LACC1: variants seen among roughly 807,000 people sequenced by gnomAD.
The protein encoded by LACC1 is purine nucleoside phosphorylase LACC1.
LACC1 carries 25 observed loss-of-function variants against 34.8 expected under a neutral mutation model. The observed-to-expected ratio is 0.72, with a 90% CI of 0.52 to 1.00. The LOEUF is 1.00. LACC1 is among the 50% of genes least tolerant of loss of function. The pLI is 0.00. For missense variants in LACC1, 426 were observed against 511.2 expected, an observed-to-expected ratio of 0.83 and a Z score of 1.61; for synonymous variants, 162 against 168.0, an observed-to-expected ratio of 0.96 and a Z score of 0.28.
chr13:43,888,963 G>A lies in LACC1; in HGVS notation c.1114G>A (p.Asp372Asn), dbSNP rs761293228. Residue 372 changes from aspartate to asparagine, a missense_variant, in exon 5 of 7, where the codon GAC becomes AAC. Asp to Asn is a conservative substitution (Grantham distance 23, BLOSUM62 1). This residue lies in a region of LACC1 where 209 missense variants were observed against 300.3 expected (regional missense o/e 0.70). Coordinates refer to ENST00000325686, the MANE Select transcript of LACC1 (RefSeq NM_153218.4). ...ATTTGATTCACCAAATCCCTGTATCGACATCCGTAAAGCCACAAGGTATGT... is the reference window on the plus strand; with the variant it reads ...ATTTGATTCACCAAATCCCTGTATCAACATCCGTAAAGCCACAAGGTATGT... ...QLFDSPNPCI[D>N]IRKATRILLE... The A allele has an allele frequency of 5.0e-6, 8 of 1,612,988 alleles. No homozygotes were observed. Among genetic ancestry groups the A allele is most frequent in the Admixed American group, 1.7e-5 (1 of 59,952 alleles).
Position 43,883,840 on chromosome 13 carries a change from A to G in LACC1, c.811A>G (p.Asn271Asp), listed in dbSNP as rs1420858976. The change falls in exon 4 of 7, where the codon AAT (asparagine) becomes GAT (aspartate). Residue 271 changes from asparagine to aspartate, a missense_variant. Asn to Asp is a conservative substitution (Grantham distance 23). This residue lies in a region of LACC1 where 209 missense variants were observed against 300.3 expected (regional missense o/e 0.70). Coordinates refer to ENST00000325686, the MANE Select transcript of LACC1 (RefSeq NM_153218.4). ...EPDSYDGITTNQRGVTIAALG... is the reference protein window; with the variant it reads ...EPDSYDGITTDQRGVTIAALG... Reference sequence around the variant, plus strand: ...TGACTCTTATGATGGAATAACCACAAATCAGAGAGGAGTCACAATAGCAGC... The same window carrying G: ...TGACTCTTATGATGGAATAACCACAGATCAGAGAGGAGTCACAATAGCAGC... 1 of 1,613,810 alleles carries G rather than the reference A, an allele frequency of 6.2e-7. No homozygotes were observed.
rs1954998836 is a variant in LACC1, at chr13:43,881,065, CTT to C, written c.82_83del (p.Leu28GlufsTer21). ...AACTGCCATCAGACATTACTGAAGA[CTT>C]TGAATGCTGTCCAATACCACCATGC... On this transcript the variant is annotated frameshift_variant, in exon 2 of 7. Transcript: ENST00000325686. LOFTEE classifies it high-confidence loss of function. 2 of 1,614,130 alleles carry C rather than the reference CTT, an allele frequency of 1.2e-6. No homozygotes were observed. The highest frequency in any genetic ancestry group is 1.3e-5 in the African/African-American group (1 of 75,046).
At chr13:43,889,385 G>A (rs1452374150) in intron 5 of LACC1, among the ~76,000 whole-genome samples, 2 of 152,070 alleles carry the variant, frequency 1.3e-5, no homozygotes, top group African/African-American at 4.8e-5. Flanking sequence ...AGAGGAATAT[G>A]TTTTTTAGAA....
At chr13:43,887,587 G>C (rs1275709083) in intron 4 of LACC1, among the ~76,000 whole-genome samples, 1 of 152,176 alleles carries the variant, frequency 6.6e-6, no homozygotes, top group Non-Finnish European at 1.5e-5. Context: ...GGAGTAAAAA[G>C]AGGCTGTTAA....
At chr13:43,890,991 G>C (rs759731073) in intron 6 of LACC1, among the ~76,000 whole-genome samples, 1 of 152,220 alleles carries the variant, frequency 6.6e-6, no homozygotes, top group Non-Finnish European at 1.5e-5. Flanking sequence ...AGGCACAGTG[G>C]CCCTGCTCCT....
chr13:43,883,334 T>C (rs1371417173), intron 3 of LACC1, among the ~76,000 whole-genome samples: 2 of 152,214 alleles, frequency 1.3e-5, no homozygotes, highest in Admixed American at 6.5e-5. Flanking sequence ...CAGGAGGAAC[T>C]AGGGTCATAG....
At chr13:43,890,912 A>G (rs1955542910) in intron 6 of LACC1, among the ~76,000 whole-genome samples, 1 of 152,242 alleles carries the variant, frequency 6.6e-6, no homozygotes, top group African/African-American at 2.4e-5. Context: ...AGATACTGAC[A>G]ACATAGAGAT....
At position 43,893,698 on chromosome 13, in the gene LACC1, C is replaced by T. The variant is rs1955650065; in HGVS notation, c.*2251C>T. On this transcript the variant is annotated 3_prime_UTR_variant, in exon 7 of 7. Coordinates refer to ENST00000325686, the MANE Select transcript of LACC1 (RefSeq NM_153218.4). ...CATTTTTTCCAATTCAGGGAAGGCA[C>T]TAAACATAAAGCATAGGATAGAAAT... is the stretch of plus-strand genomic sequence containing the variant. 6.6e-6 allele frequency: 1 copy of T among 151,964 alleles called. No homozygotes were observed. Among genetic ancestry groups the T allele is most frequent in the Non-Finnish European group, 1.5e-5 (1 of 67,812 alleles). 9.4% of individuals were successfully genotyped at this position (151,964 alleles called of 1,614,324 possible).
intron 2 of LACC1, among the ~76,000 whole-genome samples, chr13:43,881,801 G>T (rs1475121377): frequency 6.6e-6 from 1 of 152,112 alleles, no homozygotes; most frequent in African/African-American, 2.4e-5. Flanking sequence ...AAATAATCTA[G>T]CCCTCCTTTG....
chr13:43,881,025 T>C lies in LACC1; in HGVS notation c.40T>C (p.Leu14=), dbSNP rs780242600. The change falls in exon 2 of 7, where the codon TTG becomes CTG. Residue 14 remains leucine (L), a synonymous_variant. Coordinates refer to ENST00000325686, the MANE Select transcript of LACC1 (RefSeq NM_153218.4). ...TTTGATTGATCTTTTTGGTTTGAAA[T>C]TGAACTCTCAAAAAAACTGCCATCA... ...AVLIDLFGLK[L]NSQKNCHQTL... 1.5e-5 allele frequency: 24 copies of C among 1,613,958 alleles called. No homozygotes were observed. The highest frequency in any genetic ancestry group is 1.9e-5 in the Non-Finnish European group (22 of 1,179,982).
Position 43,890,193 on chromosome 13 carries a change from C to A in LACC1, c.1213C>A (p.His405Asn). The A allele has an allele frequency of 6.2e-7, 1 of 1,613,528 alleles. No individual in the cohort carries two copies. Among genetic ancestry groups the A allele is most frequent in the South Asian group, 1.1e-5 (1 of 91,056 alleles). ...AGATCTCAACCTCTGTACATCTTGC[C>A]ATCCTGACAAGTTTTTCTCCCATGT... ...NQDLNLCTSC[H>N]PDKFFSHVRD... Residue 405 changes from histidine to asparagine, a missense_variant, in exon 6 of 7, where the codon CAT becomes AAT. Transcript: ENST00000325686.
At chr13:43,889,898 G>A (rs546789984) in intron 5 of LACC1, 15 of 464,590 alleles carry the variant, frequency 3.2e-5, no homozygotes, top group African/African-American at 2.8e-4. Context: ...ATGGAAGGTT[G>A]TACTGTGCAT....
chr13:43,879,228 T>TTCCCGCCGC (rs1377639191), upstream of LACC1: 2 of 152,492 alleles, frequency 1.3e-5, no homozygotes, highest in African/African-American at 4.8e-5. Context: ...GTGCCCGCCG[T>TTCCCGCCGC]TCCCGCCGCC....
intron 4 of LACC1, among the ~76,000 whole-genome samples, chr13:43,888,071 A>G (rs751787442): frequency 7.9e-5 from 12 of 152,304 alleles, no homozygotes; most frequent in East Asian, 1.9e-4. Context: ...AGATGAATGG[A>G]TAAGCAAAAT....
At position 43,889,125 on chromosome 13, in the gene LACC1, C is replaced by T. The variant is rs187839766; in HGVS notation, c.1133+143C>T. On this transcript the variant is annotated intron_variant, in intron 5 of 6. Transcript: ENST00000325686. ...GCTGACATGCACATGTACACAAACA[C>T]TCATTTTAAATATGAAATCTGTTTT... 7.4e-4 allele frequency: 457 copies of T among 621,092 alleles called. 1 individual carries two copies. The African/African-American group carries it at 7.7e-3, about 10-fold the overall frequency. 38.5% of individuals were successfully genotyped at this position (621,092 alleles called of 1,614,324 possible).
At chr13:43,889,456 A>G (rs1955475270) in intron 5 of LACC1, among the ~76,000 whole-genome samples, 1 of 152,220 alleles carries the variant, frequency 6.6e-6, no homozygotes, top group Non-Finnish European at 1.5e-5. Flanking sequence ...AGTTCTTCGC[A>G]TCTTTTAATT....
At chr13:43,883,147 T>C (rs540156224) in intron 3 of LACC1, among the ~76,000 whole-genome samples, 4 of 152,316 alleles carry the variant, frequency 2.6e-5, no homozygotes, top group African/African-American at 9.6e-5. Context: ...AACATTATAA[T>C]GAAATGATGT....
chr13:43,889,399 AT>A (rs1348439527), intron 5 of LACC1, among the ~76,000 whole-genome samples: 3 of 152,178 alleles, frequency 2.0e-5, no homozygotes, highest in African/African-American at 7.2e-5. Flanking sequence ...TTTAGAAAAA[AT>A]ATTAGATAAT....
In LACC1 at chr13:43,888,948, C is replaced by A. The variant is rs1233034336; in HGVS notation, c.1099C>A (p.Pro367Thr). The change falls in exon 5 of 7, where the codon CCA becomes ACA. Residue 367 changes from proline to threonine, a missense_variant. This residue lies in a region of LACC1 where 209 missense variants were observed against 300.3 expected (regional missense o/e 0.70). Coordinates refer to ENST00000325686, the MANE Select transcript of LACC1 (RefSeq NM_153218.4). ...TGCATGTGTACAACTATTTGATTCA[C>A]CAAATCCCTGTATCGACATCCGTAA... ...HPACVQLFDS[P>T]NPCIDIRKAT... The A allele has an allele frequency of 4.3e-6, 7 of 1,613,682 alleles. No homozygotes were observed. The highest frequency in any genetic ancestry group is 3.3e-4 in the Middle Eastern group (2 of 6,058).
Sources: allele counts gnomAD v4.1 joint callset (sites outside exome capture counted in the v4.1 genomes callset), GRCh38; gene constraint gnomAD v4.1.1; regional missense constraint gnomAD v4.1.1; transcripts MANE v1.5; gene names NCBI Gene and HGNC (gene_info 2026-07-23, HGNC 2026-07-21).